The following TENM1 variants were observed in gnomAD, a reference collection of about 807,000 sequenced individuals.
TENM1 encodes the protein teneurin-1.
TENM1 carries 35 observed loss-of-function variants against 174.8 expected under a neutral mutation model. That is an observed-to-expected ratio of 0.20 (90% CI 0.15 to 0.27). The LOEUF (loss-of-function observed/expected upper bound fraction) is 0.27, where lower values mean the gene tolerates loss of function less well. TENM1 is among the 10% of genes least tolerant of loss of function. The pLI is 1.00. For synonymous variants in TENM1, 781 were observed against 798.7 expected (o/e 0.98, Z 0.37); for missense variants, 1,633 against 2,130.1 (o/e 0.77, Z 4.59).
At chrX:124,410,215 G>A (rs1206807629) in intron 25 of TENM1, among the ~76,000 whole-genome samples, 3 of 111,273 alleles carry the variant, frequency 2.7e-5, no homozygotes, top group Admixed American at 9.5e-5. Flanking sequence ...AAATAATGCT[G>A]CATATCTACA....
At chrX:124,944,906 G>A (rs766754794) in intron 1 of TENM1, among the ~76,000 whole-genome samples, 1 of 110,805 alleles carries the variant, frequency 9.0e-6, no homozygotes, top group Non-Finnish European at 1.9e-5. Flanking sequence ...TGACCATAAT[G>A]TCTCAGTTTT....
the TENM1 span, among the ~76,000 whole-genome samples, chrX:125,123,952 T>C: frequency 1.8e-5 from 2 of 112,650 alleles, no homozygotes; most frequent in South Asian, 3.6e-4. Context: ...AGATGTACAT[T>C]TGAATATTGG....
At chrX:124,962,092 G>C (rs2058662858) in intron 1 of TENM1, among the ~76,000 whole-genome samples, 1 of 111,708 alleles carries the variant, frequency 9.0e-6, no homozygotes, top group African/African-American at 3.3e-5. Context: ...GGGATTAGGA[G>C]TGTTAAGATG....
the TENM1 span, among the ~76,000 whole-genome samples, chrX:125,005,107 A>C: frequency 9.2e-6 from 1 of 108,810 alleles, no homozygotes; most frequent in African/African-American, 3.3e-5. Context: ...TTCAAAATTC[A>C]GTCTGAAAGA....
chrX:125,153,736 A>C, the TENM1 span, among the ~76,000 whole-genome samples: 1 of 112,458 alleles, frequency 8.9e-6, no homozygotes, highest in Non-Finnish European at 1.9e-5. Context: ...ACAGCAATTC[A>C]GCATGAAAGT....
At chrX:125,176,459 G>A in the TENM1 span, among the ~76,000 whole-genome samples, 1 of 111,363 alleles carries the variant, frequency 9.0e-6, no homozygotes, top group African/African-American at 3.3e-5. Context: ...AGACAAAGCA[G>A]TTACCACACT....
chrX:124,642,856 ATAAC>A (rs1203878958), intron 10 of TENM1, among the ~76,000 whole-genome samples: 1 of 112,596 alleles, frequency 8.9e-6, no homozygotes, highest in Non-Finnish European at 1.9e-5. Flanking sequence ...TGAGACTAAA[ATAAC>A]TAATCGTAAT....
the TENM1 span, among the ~76,000 whole-genome samples, chrX:125,067,065 C>G: frequency 9.0e-6 from 1 of 110,704 alleles, no homozygotes; most frequent in African/African-American, 3.3e-5. Context: ...TTGGGATCCC[C>G]TGCTATGAAC....
chrX:124,510,792 A>ACACACACACACACACACT (rs1440822468), intron 18 of TENM1, among the ~76,000 whole-genome samples: 5 of 111,630 alleles, frequency 4.5e-5, no homozygotes, highest in South Asian at 3.8e-4. Context: ...ACACACACAC[A>ACACACACACACACACACT]CTTGAAGTTT....
the TENM1 span, among the ~76,000 whole-genome samples, chrX:125,049,945 C>T: frequency 2.8e-5 from 3 of 108,033 alleles, no homozygotes; most frequent in Non-Finnish European, 3.8e-5. Flanking sequence ...TATTTTTTTC[C>T]ATTCTATGGG....
chrX:124,688,901 C>T (rs941327107), intron 5 of TENM1: 5 of 111,236 alleles, frequency 4.5e-5, no homozygotes, highest in Middle Eastern at 4.7e-3. Context: ...CTCTCATCAC[C>T]GAACAATAAA....
At chrX:124,581,147 C>G (rs981506389) in intron 11 of TENM1, among the ~76,000 whole-genome samples, 27 of 104,316 alleles carry the variant, frequency 2.6e-4, no homozygotes, top group African/African-American at 8.8e-4. Context: ...TCACTGCAAC[C>G]TCCACCTCCC....
At chrX:124,850,706 G>T (rs2056702068) in intron 3 of TENM1, among the ~76,000 whole-genome samples, 1 of 110,682 alleles carries the variant, frequency 9.0e-6, no homozygotes, top group Non-Finnish European at 1.9e-5. Context: ...TGTACAATGT[G>T]CCATGCCAGA....
the TENM1 span, among the ~76,000 whole-genome samples, chrX:124,993,558 G>A: frequency 1.8e-5 from 2 of 110,117 alleles, no homozygotes; most frequent in African/African-American, 3.3e-5. Context: ...ACCCCCGCAC[G>A]AATATTCATT....
At chrX:124,580,796 G>A (rs2049286229) in intron 11 of TENM1, among the ~76,000 whole-genome samples, 1 of 110,292 alleles carries the variant, frequency 9.1e-6, no homozygotes, top group Non-Finnish European at 1.9e-5. Flanking sequence ...GCATAATGCC[G>A]AGGTTTGGGG....
At chrX:124,639,508 G>A (rs746122807) in intron 11 of TENM1, among the ~76,000 whole-genome samples, 20 of 111,608 alleles carry the variant, frequency 1.8e-4, no homozygotes, top group Non-Finnish European at 9.4e-5. Context: ...TTTTATATGT[G>A]GTGAGTTAGA....
the TENM1 span, among the ~76,000 whole-genome samples, chrX:124,970,114 T>C: frequency 2.7e-5 from 3 of 111,742 alleles, no homozygotes; most frequent in Non-Finnish European, 5.6e-5. Context: ...TATATATCTA[T>C]GCACTGGGGA....
the TENM1 span, among the ~76,000 whole-genome samples, chrX:124,987,026 C>T: frequency 8.9e-6 from 1 of 111,809 alleles, no homozygotes; most frequent in African/African-American, 3.3e-5. Flanking sequence ...ATTCCTTCAC[C>T]ACATCCTTCA....
chrX:124,466,449 G>C (rs1370582680), intron 22 of TENM1, among the ~76,000 whole-genome samples: 1 of 111,840 alleles, frequency 8.9e-6, no homozygotes, highest in Non-Finnish European at 1.9e-5. Context: ...AGCATTTCCA[G>C]GAACTAGGAA....
Sources: gnomAD v4.1 joint callset for allele counts (sites outside exome capture counted in the v4.1 genomes callset) on GRCh38, gnomAD v4.1.1 for gene constraint, MANE v1.5 for transcripts, NCBI Gene and HGNC (gene_info 2026-07-23, HGNC 2026-07-21) for gene names.